The following TMEM50A variants were observed in gnomAD, a reference collection of about 807,000 sequenced individuals.
TMEM50A encodes the protein transmembrane protein 50A.
TMEM50A carries 8 observed loss-of-function variants against 23.9 expected under a neutral mutation model. The ratio of observed to expected loss-of-function variants is 0.33; its 90% CI spans 0.20 to 0.60. TMEM50A has a LOEUF of 0.60. Ranked by LOEUF, TMEM50A falls within the 20% of genes least tolerant of loss-of-function variation. The pLI is 0.81. For missense variants in TMEM50A, 178 were observed against 192.7 expected (o/e 0.92, Z 0.45); for synonymous variants, 55 against 60.4 (o/e 0.91, Z 0.41).
chr1:25,360,348 C>CAAA (rs766272933), intron 6 of TMEM50A, among the ~76,000 whole-genome samples: 1 of 81,408 alleles, frequency 1.2e-5, no homozygotes, highest in Non-Finnish European at 2.8e-5. Context: ...GACTCTGTCT[C>CAAA]AAAAAAAAAA....
intron 3 of TMEM50A, among the ~76,000 whole-genome samples, chr1:25,344,468 C>T (rs1172879535): frequency 6.6e-6 from 1 of 152,130 alleles, no homozygotes; most frequent in Admixed American, 6.5e-5. Flanking sequence ...ACCAGTTTCT[C>T]AAATTCATAA....
In TMEM50A at chr1:25,338,387, A is replaced by C. The variant is rs1645122602; in HGVS notation, c.-83A>C. On this transcript the variant is annotated 5_prime_UTR_variant, in exon 1 of 7. Transcript: ENST00000374358. ...TGGCCGTTTTGTTTTCTTGGCTAAA[A>C]TCGGGGGAGTGAGGCGGGCCGGCGC... 6.5e-6 allele frequency: 1 copy of C among 153,572 alleles called. No homozygotes were observed. The highest frequency in any genetic ancestry group is 1.4e-5 in the Non-Finnish European group (1 of 69,264). 9.5% of individuals were successfully genotyped at this position (153,572 alleles called of 1,614,324 possible).
intron 6 of TMEM50A, among the ~76,000 whole-genome samples, chr1:25,359,921 A>G (rs1199588859): frequency 6.6e-6 from 1 of 152,166 alleles, no homozygotes; most frequent in Non-Finnish European, 1.5e-5. Context: ...TACTTGTTAT[A>G]TAAGTCTCCT....
intron 4 of TMEM50A, 81 bp downstream of exon 4, chr1:25,351,774 ATTTGT>A (rs1645277896): frequency 8.2e-7 from 1 of 1,216,794 alleles, no homozygotes; most frequent in Non-Finnish European, 1.2e-6. Context: ...CCACTTTTCT[ATTTGT>A]TTTAATATAT....
chr1:25,341,768 C>T (rs1367293021), intron 2 of TMEM50A, among the ~76,000 whole-genome samples: 1 of 152,194 alleles, frequency 6.6e-6, no homozygotes, highest in Non-Finnish European at 1.5e-5. Context: ...AATCACTGCT[C>T]ATTGCAACCT....
At position 25,360,953 on chromosome 1, in the gene TMEM50A, C is replaced by T; in HGVS notation, c.*248C>T. 1 of 391,668 alleles carries T rather than the reference C, an allele frequency of 2.6e-6. No individual in the cohort carries two copies. Among genetic ancestry groups the T allele is most frequent in the Non-Finnish European group, 4.6e-6 (1 of 217,590 alleles). 24.3% of individuals were successfully genotyped at this position (391,668 alleles called of 1,614,324 possible). ...ATGAATAATTTTTGTCAAATTTTAT[C>T]ATGGTATAATTTGTAAAAATAAAAA... On this transcript the variant is annotated 3_prime_UTR_variant, in exon 7 of 7. Transcript: ENST00000374358.
At chr1:25,359,650 C>T (rs1450375654) in intron 6 of TMEM50A, among the ~76,000 whole-genome samples, 1 of 152,168 alleles carries the variant, frequency 6.6e-6, no homozygotes, top group Non-Finnish European at 1.5e-5. Flanking sequence ...ACTGTAAGCT[C>T]TGTGAGGGCA....
chr1:25,351,143 A>AGACAGAGC (rs1258682773), intron 3 of TMEM50A, among the ~76,000 whole-genome samples: 1 of 148,434 alleles, frequency 6.7e-6, no homozygotes, highest in Non-Finnish European at 1.5e-5. Flanking sequence ...ATAGCCTGGG[A>AGACAGAGC]GACAGAGCGA....
intron 5 of TMEM50A, among the ~76,000 whole-genome samples, chr1:25,355,967 G>A (rs1484004510): frequency 6.6e-6 from 1 of 152,172 alleles, no homozygotes; most frequent in Middle Eastern, 3.2e-3. Flanking sequence ...TGCAGATCAT[G>A]TTGACTGTGC....
At chr1:25,341,854 C>T (rs779124224) in intron 2 of TMEM50A, among the ~76,000 whole-genome samples, 1 of 138,412 alleles carries the variant, frequency 7.2e-6, no homozygotes, top group Non-Finnish European at 1.6e-5. Context: ...GCCACCACAC[C>T]GGGCTAATTT....
intron 2 of TMEM50A, 50 bp downstream of exon 2, chr1:25,340,629 ATG>A (rs1312037324): frequency 4.9e-6 from 7 of 1,427,850 alleles, no homozygotes; most frequent in African/African-American, 2.8e-5. Context: ...GTTTGTGTTT[ATG>A]GGTTTTGAAT....
chr1:25,344,429 A>G (rs554978107), intron 3 of TMEM50A, among the ~76,000 whole-genome samples: 3 of 152,318 alleles, frequency 2.0e-5, no homozygotes, highest in African/African-American at 4.8e-5. Flanking sequence ...AAATTTATCA[A>G]TGTATTTTGA....
intron 4 of TMEM50A, among the ~76,000 whole-genome samples, chr1:25,352,018 T>C (rs1293387359): frequency 1.3e-5 from 2 of 152,230 alleles, no homozygotes; most frequent in Non-Finnish European, 2.9e-5. Flanking sequence ...ATTTGAAAGT[T>C]GCCTGTCCTC....
chr1:25,358,547 A>T (rs1294033934), intron 6 of TMEM50A, among the ~76,000 whole-genome samples: 1 of 152,210 alleles, frequency 6.6e-6, no homozygotes, highest in Non-Finnish European at 1.5e-5. Flanking sequence ...GTTGGTATTC[A>T]CACCTATTCT....
rs1021393297 is a variant in TMEM50A at position 25,361,370 on chromosome 1, C to T, written c.*665C>T. ...AGGAAGATGTGACTCAGCCATGACA[C>T]GTGGTTCTGGTGGGATGCACAGTCA... On this transcript the variant is annotated 3_prime_UTR_variant, in exon 7 of 7. Transcript: ENST00000374358. 10 of 152,220 alleles carry T rather than the reference C, an allele frequency of 6.6e-5. No individual in the cohort carries two copies. Among genetic ancestry groups the T allele is most frequent in the Admixed American group, 2.0e-4 (3 of 15,256 alleles). 9.4% of individuals were successfully genotyped at this position (152,220 alleles called of 1,614,324 possible). A position where few individuals can be genotyped will look rare whatever the true frequency, so the allele number is the denominator to read the frequency against.
intron 3 of TMEM50A, among the ~76,000 whole-genome samples, chr1:25,348,040 G>A (rs1458210252): frequency 6.6e-6 from 1 of 152,150 alleles, no homozygotes; most frequent in Non-Finnish European, 1.5e-5. Context: ...CTATGGAGGG[G>A]AATTATAGCT....
At chr1:25,349,862 GCTTATATTCTAGTGTTA>G (rs1156903573) in intron 3 of TMEM50A, among the ~76,000 whole-genome samples, 1 of 152,180 alleles carries the variant, frequency 6.6e-6, no homozygotes, top group Non-Finnish European at 1.5e-5. Context: ...TCCTCATGAA[GCTTATATTCTAGTGTTA>G]GACACACACA....
chr1:25,362,135 G>C lies in TMEM50A; in HGVS notation c.*1430G>C, dbSNP rs1314932259. The C allele has an allele frequency of 8.3e-6, 3 of 359,960 alleles. No homozygotes were observed. The highest frequency in any genetic ancestry group is 1.6e-5 in the Non-Finnish European group (3 of 191,610). 22.3% of individuals were successfully genotyped at this position (359,960 alleles called of 1,614,324 possible). On this transcript the variant is annotated 3_prime_UTR_variant, in exon 7 of 7. Transcript: ENST00000374358. ...AAAGCATGATTCCCACAAGGACTAA[G>C]TATCAGTGATTTGTAATTTTCCTGT...
chr1:25,348,408 C>T (rs1300909704), intron 3 of TMEM50A, among the ~76,000 whole-genome samples: 1 of 152,008 alleles, frequency 6.6e-6, no homozygotes, highest in African/African-American at 2.4e-5. Context: ...TAGGGTAGGC[C>T]GGGCACGGTG....
Sources: allele counts gnomAD v4.1 joint callset (sites outside exome capture counted in the v4.1 genomes callset), GRCh38; gene constraint gnomAD v4.1.1; transcripts MANE v1.5; gene names NCBI Gene and HGNC (gene_info 2026-07-23, HGNC 2026-07-21).